The following CAPN3 variants were observed in gnomAD, a reference collection of about 807,000 sequenced individuals.
CAPN3 encodes calpain-3.
A neutral mutation model predicts 114.0 loss-of-function variants in CAPN3; 88 were observed. That is an observed-to-expected ratio of 0.77 (90% CI 0.65 to 0.92). CAPN3 has a LOEUF of 0.92. Among genes scored for constraint, CAPN3 ranks in the 40% least tolerant of loss-of-function variants. The pLI is 0.00. For missense variants in CAPN3, 1,028 were observed against 1,069.0 expected (o/e 0.96, Z 0.53); for synonymous variants, 386 against 382.9 (o/e 1.01, Z -0.09).
intron 1 of CAPN3, among the ~76,000 whole-genome samples, chr15:42,376,154 T>G (rs1471202970): frequency 6.6e-6 from 1 of 152,206 alleles, no homozygotes; most frequent in Admixed American, 6.5e-5. Context: ...GCCTTCTCAT[T>G]GTGGTGTTGA....
At chr15:42,390,790 G>T (rs111582635) in intron 6 of CAPN3, among the ~76,000 whole-genome samples, 1,828 of 109,828 alleles carry the variant, frequency 0.017, 37 homozygotes, top group African/African-American at 0.05. Context: ...TTGTTTTTTT[G>T]TTTTTTTTTT....
intron 1 of CAPN3, among the ~76,000 whole-genome samples, chr15:42,380,368 C>CTTT (rs776441239): frequency 1.7e-4 from 8 of 46,104 alleles, no homozygotes; most frequent in South Asian, 8.5e-4. Context: ...TCTTTTTTGT[C>CTTT]TTTTTTTTTT....
chr15:42,368,513 A>G (rs2052847381), intron 1 of CAPN3, among the ~76,000 whole-genome samples: 2 of 152,190 alleles, frequency 1.3e-5, no homozygotes. Flanking sequence ...TAATGAATCA[A>G]TATTAAATAA....
At chr15:42,369,704 C>T (rs2052886919) in intron 1 of CAPN3, among the ~76,000 whole-genome samples, 2 of 152,018 alleles carry the variant, frequency 1.3e-5, no homozygotes, top group South Asian at 2.1e-4. Context: ...GTGCCACGCC[C>T]ATCTTGTACA....
chr15:42,408,046 G>A (rs1332837749), intron 15 of CAPN3, among the ~76,000 whole-genome samples, 165 bp from the exon 16 acceptor site: 2 of 152,164 alleles, frequency 1.3e-5, no homozygotes, highest in Non-Finnish European at 2.9e-5. Context: ...GAAGTCACAC[G>A]GCTTGTCAGT....
At chr15:42,411,627 T>A in intron 23 of CAPN3, 120 bp from the exon 24 acceptor site, 3 of 757,048 alleles carry the variant, frequency 4.0e-6, no homozygotes, top group East Asian at 2.6e-5. Context: ...TTGGAAAATC[T>A]TCTGGGGGTC....
At chr15:42,400,856 G>A (rs2053842664) in intron 10 of CAPN3, among the ~76,000 whole-genome samples, 1 of 152,070 alleles carries the variant, frequency 6.6e-6, no homozygotes, top group South Asian at 2.1e-4. Flanking sequence ...ATATTAGATG[G>A]CACTTGGTGA....
intron 9 of CAPN3, among the ~76,000 whole-genome samples, chr15:42,398,685 GTATA>G (rs768206775): frequency 4.0e-5 from 5 of 125,362 alleles, no homozygotes; most frequent in African/African-American, 1.6e-4. Flanking sequence ...ACACACGTCT[GTATA>G]TATATGTGTG....
At chr15:42,369,037 T>C (rs2052863434) in intron 1 of CAPN3, among the ~76,000 whole-genome samples, 1 of 152,242 alleles carries the variant, frequency 6.6e-6, no homozygotes, top group African/African-American at 2.4e-5. Flanking sequence ...TTCTGGCTGA[T>C]TTCTGTCAGG....
chr15:42,406,403 C>G (rs1462094607), intron 15 of CAPN3, among the ~76,000 whole-genome samples: 1 of 152,068 alleles, frequency 6.6e-6, no homozygotes, highest in Non-Finnish European at 1.5e-5. Flanking sequence ...GGTGATGGAT[C>G]CATCACAGGG....
chr15:42,401,969 A>AG lies in CAPN3; in HGVS notation c.1525-148dup, dbSNP rs150759842. 8.8e-4 allele frequency among the ~76,000 whole-genome samples: 134 copies of AG among 152,054 alleles called. No individual in the cohort carries two copies. In the East Asian group the frequency reaches 0.016, roughly 18 times the overall value. ...GTGTTTGTAACAAGCAAAAAATACC[A>AG]GGGGGGGCATTAGAGAGGCAGTGGA... is the stretch of plus-strand genomic sequence containing the variant. On this transcript the variant is annotated intron_variant, in intron 11 of 23. Transcript: ENST00000397163.
At chr15:42,387,251 C>T (rs971154645) in intron 3 of CAPN3, among the ~76,000 whole-genome samples, 3 of 152,182 alleles carry the variant, frequency 2.0e-5, no homozygotes, top group Non-Finnish European at 4.4e-5. Context: ...AATGATTGAA[C>T]AATGTTCCTG....
chr15:42,388,862 A>G, intron 4 of CAPN3, 66 bp from the exon 5 acceptor site: 16 of 1,346,194 alleles, frequency 1.2e-5, no homozygotes, highest in Non-Finnish European at 1.7e-5. Flanking sequence ...TTCTGGTGGC[A>G]GTGGTACCTG....
At chr15:42,397,367 C>T (rs937775019) in intron 9 of CAPN3, among the ~76,000 whole-genome samples, 3 of 152,282 alleles carry the variant, frequency 2.0e-5, no homozygotes, top group African/African-American at 4.8e-5. Context: ...TTAAGCCGGG[C>T]GCGGTGGCTC....
intron 10 of CAPN3, among the ~76,000 whole-genome samples, chr15:42,401,290 C>T (rs1016876485): frequency 6.6e-6 from 1 of 151,664 alleles, no homozygotes; most frequent in Admixed American, 6.6e-5. Flanking sequence ...AGAAAGATTG[C>T]CTAGGGAGGC....
chr15:42,395,011 G>T (rs1374187075), intron 8 of CAPN3, among the ~76,000 whole-genome samples: 1 of 152,180 alleles, frequency 6.6e-6, no homozygotes. Context: ...TCGAGAGGGG[G>T]ATGGCAGGAC....
chr15:42,373,659 C>T lies in CAPN3; in HGVS notation c.310-10824C>T, dbSNP rs921508736. Among the ~76,000 whole-genome samples the T allele has an allele frequency of 2.6e-5, 4 of 152,368 alleles. No homozygotes were observed. The East Asian group carries it at 5.8e-4, about 22-fold the overall frequency. ...GAATTTGCAACAGTGGATATCTGCT[C>T]ACTGCCACTGGGACCTACTCTAACA... is the stretch of plus-strand genomic sequence containing the variant. On this transcript the variant is annotated intron_variant, in intron 1 of 23. Transcript: ENST00000397163.
chr15:42,407,856 T>A (rs2141215368), intron 15 of CAPN3, among the ~76,000 whole-genome samples: 1 of 152,268 alleles, frequency 6.6e-6, no homozygotes, highest in East Asian at 1.9e-4. Flanking sequence ...ATATACACCA[T>A]GTTTCTGCAG....
chr15:42,397,379 C>T (rs1230769030), intron 9 of CAPN3, among the ~76,000 whole-genome samples: 2 of 152,184 alleles, frequency 1.3e-5, no homozygotes, highest in Non-Finnish European at 1.5e-5. Context: ...CGGTGGCTCA[C>T]GCCTGTAATC....
Sources: allele counts gnomAD v4.1 joint callset (sites outside exome capture counted in the v4.1 genomes callset), GRCh38; gene constraint gnomAD v4.1.1; transcripts MANE v1.5; gene names NCBI Gene and HGNC (gene_info 2026-07-23, HGNC 2026-07-21).